Variants in SGCZ observed in about 807,000 individuals in gnomAD.
The protein encoded by SGCZ is zeta-sarcoglycan.
Under a neutral mutation model 41.3 loss-of-function variants are expected in SGCZ, and 40 were observed. That is an observed-to-expected ratio of 0.97 (90% CI 0.75 to 1.26). The LOEUF (loss-of-function observed/expected upper bound fraction) is 1.26. Ranked by LOEUF, SGCZ falls within the 50% of genes most tolerant of loss-of-function variation. The pLI is 0.00. For synonymous variants in SGCZ, 206 were observed against 137.5 expected (o/e 1.50, Z -3.49); for missense variants, 552 against 369.8 (o/e 1.49, Z -4.04).
At chr8:14,947,156 T>C (rs1800479030) in intron 1 of SGCZ, among the ~76,000 whole-genome samples, 3 of 152,168 alleles carry the variant, frequency 2.0e-5, no homozygotes, top group African/African-American at 7.2e-5. Context: ...ATACAAGTGA[T>C]AGTGTGATTG....
chr8:15,094,520 G>C (rs1192666776), intron 1 of SGCZ, among the ~76,000 whole-genome samples: 1 of 152,178 alleles, frequency 6.6e-6, no homozygotes, highest in Non-Finnish European at 1.5e-5. Context: ...TTCATGTGAT[G>C]AGAGCAGAAA....
chr8:14,373,467 A>C (rs1168838768), intron 2 of SGCZ, among the ~76,000 whole-genome samples: 2 of 152,190 alleles, frequency 1.3e-5, no homozygotes, highest in Non-Finnish European at 2.9e-5. Flanking sequence ...ATATTCAGAG[A>C]AGACAATAAA....
chr8:14,705,504 G>A (rs1421274599), intron 1 of SGCZ, among the ~76,000 whole-genome samples: 2 of 151,948 alleles, frequency 1.3e-5, no homozygotes, highest in African/African-American at 2.4e-5. Flanking sequence ...GAGTATTACT[G>A]CATTGCAAAC....
At chr8:14,711,507 C>T (rs547800227) in intron 1 of SGCZ, among the ~76,000 whole-genome samples, 8 of 146,026 alleles carry the variant, frequency 5.5e-5, no homozygotes, top group Non-Finnish European at 1.0e-4. Context: ...AAGGCTGACG[C>T]AGGAGAATTG....
intron 1 of SGCZ, among the ~76,000 whole-genome samples, chr8:14,748,120 T>G (rs1297240070): frequency 6.6e-6 from 1 of 152,164 alleles, no homozygotes; most frequent in East Asian, 1.9e-4. Context: ...GCTTCCCGTG[T>G]GTCCAAGCTT....
chr8:14,849,986 T>A (rs959117259), intron 1 of SGCZ, among the ~76,000 whole-genome samples: 4 of 152,194 alleles, frequency 2.6e-5, no homozygotes, highest in Non-Finnish European at 5.9e-5. Context: ...ACATAGGCAT[T>A]GAGAACAGAA....
chr8:14,981,879 G>A (rs1801672880), intron 1 of SGCZ, among the ~76,000 whole-genome samples: 1 of 152,166 alleles, frequency 6.6e-6, no homozygotes, highest in African/African-American at 2.4e-5. Context: ...GCTGAAGGTG[G>A]TGGCTCACAC....
At chr8:14,459,345 C>A (rs1800836532) in intron 2 of SGCZ, among the ~76,000 whole-genome samples, 1 of 151,744 alleles carries the variant, frequency 6.6e-6, no homozygotes, top group African/African-American at 2.4e-5. Context: ...TGCAGCACAC[C>A]AACATGGCAC....
chr8:14,441,201 T>C (rs1800250888), intron 2 of SGCZ, among the ~76,000 whole-genome samples: 1 of 152,184 alleles, frequency 6.6e-6, no homozygotes, highest in African/African-American at 2.4e-5. Context: ...CTGTAAACTT[T>C]AAATCATCTC....
intron 1 of SGCZ, among the ~76,000 whole-genome samples, chr8:14,968,100 G>C (rs140749295): frequency 6.6e-6 from 1 of 152,168 alleles, no homozygotes; most frequent in Non-Finnish European, 1.5e-5. Flanking sequence ...TGGCCATTTT[G>C]GTGTCTCATC....
chr8:14,619,220 G>T (rs1806204009), intron 1 of SGCZ, among the ~76,000 whole-genome samples: 1 of 112,768 alleles, frequency 8.9e-6, no homozygotes, highest in African/African-American at 2.6e-5. Flanking sequence ...TGCAGAAAAG[G>T]CCTTTGACAA....
chr8:14,419,073 A>T (rs1168632221), intron 2 of SGCZ, among the ~76,000 whole-genome samples: 1 of 151,966 alleles, frequency 6.6e-6, no homozygotes, highest in Non-Finnish European at 1.5e-5. Context: ...CAACATAAGA[A>T]GCCTAGGAAC....
intron 4 of SGCZ, among the ~76,000 whole-genome samples, chr8:14,209,342 T>G (rs945242044): frequency 6.6e-6 from 1 of 152,092 alleles, no homozygotes; most frequent in Non-Finnish European, 1.5e-5. Flanking sequence ...TTCTGCTTTC[T>G]CTTTCTTTCG....
At chr8:14,531,413 G>A (rs914608884) in intron 2 of SGCZ, among the ~76,000 whole-genome samples, 28 of 151,748 alleles carry the variant, frequency 1.8e-4, no homozygotes, top group African/African-American at 5.8e-4. Context: ...ACTGAACTGC[G>A]GGAATGAAAA....
intron 3 of SGCZ, among the ~76,000 whole-genome samples, chr8:14,271,156 C>A (rs535211754): frequency 6.6e-5 from 10 of 151,720 alleles, no homozygotes; most frequent in African/African-American, 1.2e-4. Flanking sequence ...ATGTAACTAA[C>A]CTGCACGTTG....
chr8:14,107,301 T>A (rs1802236624), intron 6 of SGCZ, among the ~76,000 whole-genome samples: 3 of 152,058 alleles, frequency 2.0e-5, no homozygotes, highest in African/African-American at 7.2e-5. Context: ...TTATTTTGAA[T>A]GTAATCAACA....
At chr8:14,706,134 A>G (rs531779164) in intron 1 of SGCZ, among the ~76,000 whole-genome samples, 1 of 152,022 alleles carries the variant, frequency 6.6e-6, no homozygotes, top group African/African-American at 2.4e-5. Flanking sequence ...AATAGCTTTT[A>G]GTCTTCAATG....
At chr8:14,995,388 T>C (rs1019451765) in intron 1 of SGCZ, among the ~76,000 whole-genome samples, 7 of 152,310 alleles carry the variant, frequency 4.6e-5, no homozygotes, top group Admixed American at 3.9e-4. Context: ...GGTTAGGTCT[T>C]GGGAGACGAT....
At position 14,893,194 on chromosome 8, in the gene SGCZ, G is replaced by C. The variant is rs540996048; in HGVS notation, c.40-338268C>G. 5.9e-5 allele frequency among the ~76,000 whole-genome samples: 9 copies of C among 152,240 alleles called. No individual in the cohort carries two copies. The South Asian group carries it at 1.5e-3, about 25-fold the overall frequency. On this transcript the variant is annotated intron_variant, in intron 1 of 7. Coordinates refer to ENST00000382080, the MANE Select transcript of SGCZ (RefSeq NM_139167.4). ...CAGTTGGGGTTCACAGAAAGAGATGGACTACAAGAGTAGGGTCAGAGAGAT... is the reference window on the plus strand; with the variant it reads ...CAGTTGGGGTTCACAGAAAGAGATGCACTACAAGAGTAGGGTCAGAGAGAT...
Sources: gnomAD v4.1 joint callset for allele counts (sites outside exome capture counted in the v4.1 genomes callset) on GRCh38, gnomAD v4.1.1 for gene constraint, MANE v1.5 for transcripts, NCBI Gene and HGNC (gene_info 2026-07-23, HGNC 2026-07-21) for gene names.